Variants in NDUFS1 observed in about 807,000 individuals in gnomAD.
NDUFS1 encodes the protein NADH-ubiquinone oxidoreductase 75 kDa subunit, mitochondrial.
Under a neutral mutation model 84.4 loss-of-function variants are expected in NDUFS1, and 61 were observed. The ratio of observed to expected loss-of-function variants is 0.72; its 90% confidence interval spans 0.59 to 0.89. NDUFS1 has a LOEUF of 0.89. NDUFS1 is among the 40% of genes least tolerant of loss of function. The pLI, the probability that NDUFS1 is intolerant of heterozygous loss-of-function variation, is 0.00. For synonymous variants in NDUFS1, 275 were observed against 290.0 expected (o/e 0.95, Z 0.53); for missense variants, 891 against 890.0 (o/e 1.00, Z -0.01).
chr2:206,131,023 A>G (rs1691493104), intron 14 of NDUFS1, among the ~76,000 whole-genome samples: 1 of 152,240 alleles, frequency 6.6e-6, no homozygotes, highest in Admixed American at 6.5e-5. Context: ...TATTACTCTT[A>G]TAAGCACAAA....
chr2:206,146,797 A>T, intron 8 of NDUFS1, 106 bp downstream of exon 8: 1 of 1,109,614 alleles, frequency 9.0e-7, no homozygotes, highest in Non-Finnish European at 1.3e-6. Context: ...AAACAAAGTC[A>T]ACAGACCAAA....
intron 18 of NDUFS1, among the ~76,000 whole-genome samples, 157 bp downstream of exon 18, chr2:206,126,382 A>C (rs184179218): frequency 4.6e-5 from 7 of 152,378 alleles, no homozygotes; most frequent in Non-Finnish European, 8.8e-5. Flanking sequence ...GAGTAGAATC[A>C]GAAAATATGC....
chr2:206,144,127 G>A lies in NDUFS1; in HGVS notation c.878C>T (p.Ala293Val). The change falls in exon 10 of 19, where the codon GCC (alanine) becomes GTC (valine). Residue 293 changes from alanine to valine, a missense_variant. By Grantham distance (64) the Ala-to-Val change is moderately conservative. Coordinates refer to ENST00000233190, the MANE Select transcript of NDUFS1 (RefSeq NM_005006.7). ...EEWISDKTRF[A>V]YDGLKRQRLT... Reference sequence around the variant, plus strand: ...TCTTTGACGTTTTAGCCCATCATAGGCAAATCTAGAAAACAGAAATTACAC... The same window carrying A: ...TCTTTGACGTTTTAGCCCATCATAGACAAATCTAGAAAACAGAAATTACAC... 1 of 1,611,236 alleles carries A rather than the reference G, an allele frequency of 6.2e-7. No individual in the cohort carries two copies. The highest frequency in any genetic ancestry group is 8.5e-7 in the Non-Finnish European group (1 of 1,177,526).
chr2:206,136,044 TTTTC>T (rs1691697605), intron 13 of NDUFS1, among the ~76,000 whole-genome samples: 1 of 151,768 alleles, frequency 6.6e-6, no homozygotes, highest in Non-Finnish European at 1.5e-5. Flanking sequence ...TTTTTTTTTT[TTTTC>T]TTTCTTCTTT....
chr2:206,132,887 CATACAT>C, intron 14 of NDUFS1, 52 bp downstream of exon 14: 1 of 1,439,058 alleles, frequency 6.9e-7, no homozygotes, highest in Non-Finnish European at 9.8e-7. Context: ...ATCAGGAACA[CATACAT>C]ATACACAACA....
intron 13 of NDUFS1, among the ~76,000 whole-genome samples, chr2:206,136,293 C>A (rs1380431632): frequency 6.6e-6 from 1 of 150,728 alleles, no homozygotes; most frequent in Non-Finnish European, 1.5e-5. Flanking sequence ...ACCTTGTGAT[C>A]CGCCCGCCTC....
intron 15 of NDUFS1, among the ~76,000 whole-genome samples, chr2:206,128,737 C>T (rs746967338): frequency 1.1e-4 from 17 of 151,588 alleles, no homozygotes; most frequent in Non-Finnish European, 2.1e-4. Context: ...GCCGAGATCA[C>T]ACCACTGCAC....
At position 206,159,348 on chromosome 2, in the gene NDUFS1, C is replaced by G; in HGVS notation, c.-12G>C. On this transcript the variant is annotated 5_prime_UTR_variant, in exon 1 of 19. Transcript: ENST00000233190. The stretch of plus-strand genomic sequence containing the variant: ...ATCCATACAAGACCTCACCTTCTCC[C>G]CGGAGCCGCGGAGGCTGTTCTGCTA... The G allele has an allele frequency of 1.7e-6, 1 of 601,134 alleles. No homozygotes were observed. Among genetic ancestry groups the G allele is most frequent in the Non-Finnish European group, 3.0e-6 (1 of 338,046 alleles). The allele number at this position is 601,134 out of a possible 1,614,324, so 37.2% of individuals were successfully genotyped here.
In NDUFS1 at chr2:206,115,767, C is replaced by T. The variant is rs941716919; in HGVS notation, c.*8418G>A. 1.3e-5 allele frequency: 5 copies of T among 396,000 alleles called. No individual in the cohort carries two copies. Among genetic ancestry groups the T allele is most frequent in the East Asian group, 6.9e-5 (1 of 14,402 alleles). The allele number at this position is 396,000 out of a possible 1,614,324, so 24.5% of individuals were successfully genotyped here. ...CATCCCAAGTCCAGGTATGGACATA[C>T]ACAAGTTACAATATTATATAAGGCT... On this transcript the variant is annotated 3_prime_UTR_variant, in exon 19 of 19. Transcript: ENST00000233190.
chr2:206,124,252 G>A lies in NDUFS1; in HGVS notation c.2117C>T (p.Thr706Ile), dbSNP rs552022167. ...MTDSISRASQ[T>I]MAKCVKAVTE... The stretch of plus-strand genomic sequence containing the variant: ...GACAGCTTTGACACATTTGGCCATT[G>A]TCTGTGAGGCTCTGCTAATTGAATC... Residue 706 changes from threonine (T) to isoleucine (I), a missense_variant, in exon 19 of 19, where the codon ACA becomes ATA. Thr to Ile is a moderately conservative substitution (Grantham distance 89). Coordinates refer to ENST00000233190, the MANE Select transcript of NDUFS1 (RefSeq NM_005006.7). The A allele has an allele frequency of 1.2e-5, 19 of 1,612,692 alleles. No individual in the cohort carries two copies. In the African/African-American group the frequency reaches 2.3e-4, roughly 19 times the overall value.
Position 206,132,927 on chromosome 2 carries a change from A to G in NDUFS1, c.1553+18T>C. ...CATTACTTGAATTTATAGTATATAA[A>G]GCAATTACTCAACAAACCTATGAAG... On this transcript the variant is annotated intron_variant, in intron 14 of 18. Coordinates refer to ENST00000233190, the MANE Select transcript of NDUFS1 (RefSeq NM_005006.7). 6.2e-7 allele frequency: 1 copy of G among 1,602,836 alleles called. No individual in the cohort carries two copies. Among genetic ancestry groups the G allele is most frequent in the Non-Finnish European group, 8.5e-7 (1 of 1,169,964 alleles).
intron 1 of NDUFS1, chr2:206,159,098 T>A (rs1687802400): frequency 6.5e-7 from 1 of 1,535,680 alleles, no homozygotes; most frequent in Non-Finnish European, 8.7e-7. Flanking sequence ...AAGCCTACAT[T>A]CGTGACAGCG....
At chr2:206,151,295 T>A (rs1196612185) in intron 3 of NDUFS1, among the ~76,000 whole-genome samples, 1 of 152,222 alleles carries the variant, frequency 6.6e-6, no homozygotes, top group African/African-American at 2.4e-5. Flanking sequence ...CATCTTCTAC[T>A]TATACCTTAT....
chr2:206,139,964 A>G (rs935572354), intron 12 of NDUFS1, among the ~76,000 whole-genome samples: 2 of 152,004 alleles, frequency 1.3e-5, no homozygotes. Flanking sequence ...TGAGGAAACA[A>G]AAAAATTGCT....
At chr2:206,158,940 C>T (rs1687792131) in intron 1 of NDUFS1, 1 of 714,256 alleles carries the variant, frequency 1.4e-6, no homozygotes, top group African/African-American at 1.8e-5. Context: ...CAATCATGCA[C>T]TGTATCAGGC....
At chr2:206,153,535 C>G in intron 2 of NDUFS1, 83 bp downstream of exon 2, 1 of 853,746 alleles carries the variant, frequency 1.2e-6, no homozygotes, top group Non-Finnish European at 1.9e-6. Context: ...GGTTTAGGGT[C>G]TTTGATAAAC....
chr2:206,152,617 T>C (rs1692415569), intron 2 of NDUFS1, 107 bp from the exon 3 acceptor site: 2 of 921,464 alleles, frequency 2.2e-6, no homozygotes, highest in South Asian at 1.4e-5. Flanking sequence ...TCATTCCTTA[T>C]TATTCCTCTG....
At chr2:206,149,785 A>G (rs761308383) in intron 4 of NDUFS1, 33 bp downstream of exon 4, 21 of 1,498,568 alleles carry the variant, frequency 1.4e-5, no homozygotes, top group Non-Finnish European at 1.9e-5. Flanking sequence ...TCTACCTTCT[A>G]CAGCATGGTG....
intron 11 of NDUFS1, among the ~76,000 whole-genome samples, 188 bp from the exon 12 acceptor site, chr2:206,142,257 C>A (rs1197944483): frequency 6.6e-6 from 1 of 152,106 alleles, no homozygotes; most frequent in Non-Finnish European, 1.5e-5. Context: ...CTGTCTCCCA[C>A]GCTGGAATGC....
Sources: allele counts gnomAD v4.1 joint callset (sites outside exome capture counted in the v4.1 genomes callset), GRCh38; gene constraint gnomAD v4.1.1; transcripts MANE v1.5; gene names NCBI Gene and HGNC (gene_info 2026-07-23, HGNC 2026-07-21).